SND1: variants seen among roughly 807,000 people sequenced by gnomAD.
The protein encoded by SND1 is staphylococcal nuclease domain-containing protein 1.
SND1 carries 38 observed loss-of-function variants against 121.7 expected under a neutral mutation model. The ratio of observed to expected loss-of-function variants is 0.31; its 90% CI spans 0.24 to 0.41. SND1 has a LOEUF of 0.41. Ranked by LOEUF, SND1 falls within the 10% of genes least tolerant of loss-of-function variation. The pLI, the probability that SND1 is intolerant of heterozygous loss-of-function variation, is 1.00. For synonymous variants in SND1, 401 were observed against 447.4 expected, an observed-to-expected ratio of 0.90 and a Z score of 1.31; for missense variants, 868 against 1,184.6, an observed-to-expected ratio of 0.73 and a Z score of 3.92.
At position 128,029,458 on chromosome 7, in the gene SND1, C is replaced by T. The variant is rs369606572; in HGVS notation, c.1779+38402C>T. ...ACAGAGATCCTTGGGTGGCGGGAGG[C>T]GTGGCTGAGCACTGTCCCATTGGGC... On this transcript the variant is annotated intron_variant, in intron 16 of 23. Transcript: ENST00000354725. This position sits in a 1 kb window ranked among gnomAD's most constrained non-coding sequence, Gnocchi z 4.2. 13 of 1,614,002 alleles carry T rather than the reference C, an allele frequency of 8.1e-6. No individual in the cohort carries two copies. Among genetic ancestry groups the T allele is most frequent in the Middle Eastern group, 1.6e-4 (1 of 6,084 alleles).
At chr7:127,798,649 T>C (rs550773313) in intron 10 of SND1, among the ~76,000 whole-genome samples, 1 of 152,338 alleles carries the variant, frequency 6.6e-6, no homozygotes, top group East Asian at 1.9e-4. Flanking sequence ...AATAAAACTC[T>C]GACCCCCTCT....
At chr7:128,050,862 G>A (rs139691070) in intron 16 of SND1, among the ~76,000 whole-genome samples, 56 of 152,354 alleles carry the variant, frequency 3.7e-4, no homozygotes, top group African/African-American at 1.3e-3. Context: ...GGAGGCAGCA[G>A]GGCTAAGTCA....
intron 21 of SND1, 116 bp from the exon 22 acceptor site, chr7:128,089,373 G>C: frequency 9.8e-7 from 1 of 1,018,448 alleles, no homozygotes; most frequent in Non-Finnish European, 1.5e-6. Context: ...AGGGTTCTCT[G>C]GGGAGAAAAT....
In SND1 at chr7:127,698,912, A is replaced by G. The variant is rs1796053480; in HGVS notation, c.387A>G (p.Ala129=). The G allele has an allele frequency of 6.2e-7, 1 of 1,613,828 alleles. No individual in the cohort carries two copies. The highest frequency in any genetic ancestry group is 1.7e-4 in the Middle Eastern group (1 of 6,060). ...NGENIAESLV[A]EGLATRREGM... ...AAAACATTGCAGAATCACTGGTTGC[A>G]GAGGGCTTAGCCACCCGGAGAGAAG... The change falls in exon 4 of 24, where the codon GCA becomes GCG. Residue 129 remains alanine, a synonymous_variant. Coordinates refer to ENST00000354725, the MANE Select transcript of SND1 (RefSeq NM_014390.4).
At chr7:128,060,861 T>G (rs568371070) in intron 16 of SND1, among the ~76,000 whole-genome samples, 3 of 152,210 alleles carry the variant, frequency 2.0e-5, no homozygotes, top group African/African-American at 7.2e-5. Flanking sequence ...AAAAGCTCAA[T>G]TGTGACTTCT....
intron 1 of SND1, among the ~76,000 whole-genome samples, chr7:127,680,766 G>A (rs919005610): frequency 4.7e-5 from 7 of 150,098 alleles, no homozygotes; most frequent in African/African-American, 1.5e-4. Flanking sequence ...CATCCTCCTC[G>A]GCTTACGAGA....
intron 12 of SND1, among the ~76,000 whole-genome samples, chr7:127,872,043 G>T (rs1799599586): frequency 6.6e-6 from 1 of 152,102 alleles, no homozygotes; most frequent in African/African-American, 2.4e-5. Flanking sequence ...GAGGCAGGAG[G>T]ATTGCTTGAG....
In SND1 at chr7:127,983,423, T is replaced by C. The variant is rs558576860; in HGVS notation, c.1670-7524T>C. Among the ~76,000 whole-genome samples, 14 of 152,306 alleles carry C rather than the reference T, an allele frequency of 9.2e-5. No homozygotes were observed. In the East Asian group the frequency reaches 2.7e-3, roughly 29 times the overall value. The stretch of plus-strand genomic sequence containing the variant: ...CATAGTTTCCTATCTGGAAAACTTT[T>C]ACAGCATTCCTGCCTGGGGTCTTAA... On this transcript the variant is annotated intron_variant, in intron 15 of 23. Coordinates refer to ENST00000354725, the MANE Select transcript of SND1 (RefSeq NM_014390.4).
chr7:128,081,772 A>C, intron 18 of SND1: 1 of 626,508 alleles, frequency 1.6e-6, no homozygotes, highest in South Asian at 1.4e-5. Context: ...AGGTGAGATA[A>C]CCAGGTTTAT....
At chr7:128,048,331 C>T (rs959137816) in intron 16 of SND1, among the ~76,000 whole-genome samples, 6 of 151,274 alleles carry the variant, frequency 4.0e-5, no homozygotes, top group Middle Eastern at 3.4e-3. Context: ...TTGCTGACTA[C>T]GCTTTGCAGA....
At chr7:127,723,418 C>T (rs917961200) in intron 10 of SND1, among the ~76,000 whole-genome samples, 3 of 151,836 alleles carry the variant, frequency 2.0e-5, no homozygotes, top group Non-Finnish European at 2.9e-5. Flanking sequence ...CCTGTTCACT[C>T]CTGAGATCTT....
At chr7:127,706,871 A>T (rs1341197193) in intron 8 of SND1, among the ~76,000 whole-genome samples, 1 of 152,230 alleles carries the variant, frequency 6.6e-6, no homozygotes, top group South Asian at 2.1e-4. Context: ...AAAAGATTGC[A>T]ATACTGTTTT....
At chr7:127,932,504 A>C (rs143665958) in intron 15 of SND1, among the ~76,000 whole-genome samples, 78 of 152,358 alleles carry the variant, frequency 5.1e-4, no homozygotes, top group Middle Eastern at 3.4e-3. Context: ...ACAACAAAGG[A>C]TTCAGAATAT....
In SND1 at chr7:127,837,763, G is replaced by A. The variant is rs947139485; in HGVS notation, c.1243-6561G>A. ...AGAATGATAATATACTTTTAACAGA[G>A]AAAAATTATTAAAACTACATTATGT... On this transcript the variant is annotated intron_variant, in intron 11 of 23. Transcript: ENST00000354725. Among the ~76,000 whole-genome samples the A allele has an allele frequency of 1.3e-5, 2 of 152,190 alleles. 1 individual carries two copies. The highest frequency in any genetic ancestry group is 1.3e-4 in the Admixed American group (2 of 15,276).
rs1180170372 is a variant in SND1 at position 127,807,491 on chromosome 7, A to G, written c.1160A>G (p.Asn387Ser). The G allele has an allele frequency of 6.2e-7, 1 of 1,613,586 alleles. No individual in the cohort carries two copies. The part of the protein sequence containing the change: ...RLEGENTQDK[N>S]KKLRPLYDIP... ...GTTTTATTTTACTTTTAGGATAAGA[A>G]CAAGAAACTGCGTCCCCTGTATGAC... Residue 387 changes from asparagine (N) to serine (S), a missense_variant, in exon 11 of 24, where the codon AAC (asparagine) becomes AGC (serine). Coordinates refer to ENST00000354725, the MANE Select transcript of SND1 (RefSeq NM_014390.4).
intron 12 of SND1, among the ~76,000 whole-genome samples, chr7:127,867,735 A>G (rs1451290184): frequency 6.6e-6 from 1 of 152,002 alleles, no homozygotes; most frequent in African/African-American, 2.4e-5. Context: ...ACTGCCCTCC[A>G]ATCCATTTTC....
intron 10 of SND1, among the ~76,000 whole-genome samples, chr7:127,793,915 T>C (rs940232701): frequency 6.6e-6 from 1 of 152,170 alleles, no homozygotes; most frequent in African/African-American, 2.4e-5. Context: ...GCTTCAAGTT[T>C]GTTACGGTCC....
rs539687203 is a variant in SND1 at position 127,981,363 on chromosome 7, G to A, written c.1670-9584G>A. ...TGATGGTGACATTATTGCAGCTGCT[G>A]CTTATAGCAATCCCCAAAAATGAAC... On this transcript the variant is annotated intron_variant, in intron 15 of 23. Coordinates refer to ENST00000354725, the MANE Select transcript of SND1 (RefSeq NM_014390.4). Among the ~76,000 whole-genome samples, 8 of 152,288 alleles carry A rather than the reference G, an allele frequency of 5.3e-5. No homozygotes were observed. In the South Asian group the frequency reaches 1.7e-3, roughly 32 times the overall value.
At chr7:127,674,829 G>A (rs555369822) in intron 1 of SND1, among the ~76,000 whole-genome samples, 14 of 152,134 alleles carry the variant, frequency 9.2e-5, no homozygotes, top group Non-Finnish European at 1.6e-4. Flanking sequence ...TGTGCTTTTC[G>A]TATTTGTCTG....
Sources: allele counts gnomAD v4.1 joint callset (sites outside exome capture counted in the v4.1 genomes callset), GRCh38; gene constraint gnomAD v4.1.1; non-coding constraint Gnocchi (gnomAD v3.1); transcripts MANE v1.5; gene names NCBI Gene and HGNC (gene_info 2026-07-23, HGNC 2026-07-21).